Variants in PLPPR1 observed in about 807,000 individuals in gnomAD.
The protein encoded by PLPPR1 is phospholipid phosphatase related 1.
PLPPR1 carries 10 observed loss-of-function variants against 33.1 expected under a neutral mutation model. The observed-to-expected ratio is 0.30, with a 90% CI of 0.19 to 0.51. PLPPR1 has a LOEUF of 0.51. PLPPR1 is among the 20% of genes least tolerant of loss of function. The pLI is 0.97. For synonymous variants in PLPPR1, 151 were observed against 151.0 expected (o/e 1.00, Z 0.00); for missense variants, 304 against 408.1 (o/e 0.74, Z 2.20).
chr9:101,100,998 G>T (rs1200887440), intron 1 of PLPPR1, among the ~76,000 whole-genome samples: 1 of 152,086 alleles, frequency 6.6e-6, no homozygotes, highest in African/African-American at 2.4e-5. Context: ...ATACTAAAAG[G>T]TATGTGTAAG....
At chr9:101,305,309 C>T (rs936819294) in intron 4 of PLPPR1, among the ~76,000 whole-genome samples, 1 of 152,094 alleles carries the variant, frequency 6.6e-6, no homozygotes, top group African/African-American at 2.4e-5. Flanking sequence ...CAACAGTGGA[C>T]CCCTCTCACT....
At chr9:101,277,323 A>G (rs562803904) in intron 3 of PLPPR1, among the ~76,000 whole-genome samples, 1 of 152,314 alleles carries the variant, frequency 6.6e-6, no homozygotes, top group East Asian at 1.9e-4. Flanking sequence ...GCAAAATCTG[A>G]TCACCAGCCT....
At chr9:101,153,386 C>G in intron 1 of PLPPR1, among the ~76,000 whole-genome samples, 1 of 152,130 alleles carries the variant, frequency 6.6e-6, no homozygotes, top group South Asian at 2.1e-4. Context: ...ACCTTTATTT[C>G]TTTCTCCTGC....
chr9:101,095,801 T>C (rs1214253522), intron 1 of PLPPR1, among the ~76,000 whole-genome samples: 1 of 152,168 alleles, frequency 6.6e-6, no homozygotes, highest in Admixed American at 6.5e-5. Context: ...GAAGTATTTC[T>C]GGGCCTCTGA....
chr9:101,148,210 C>A (rs1831543688), intron 1 of PLPPR1, among the ~76,000 whole-genome samples: 1 of 152,116 alleles, frequency 6.6e-6, no homozygotes, highest in Non-Finnish European at 1.5e-5. Flanking sequence ...CCCTTGTGAC[C>A]AATCTTCTTT....
At chr9:101,227,908 G>A (rs948484194) in intron 2 of PLPPR1, among the ~76,000 whole-genome samples, 1 of 152,012 alleles carries the variant, frequency 6.6e-6, no homozygotes, top group Non-Finnish European at 1.5e-5. Context: ...TCCCAAAGTA[G>A]CTGGGATTAC....
At chr9:101,313,176 C>G (rs1828991112) in intron 6 of PLPPR1, among the ~76,000 whole-genome samples, 1 of 152,168 alleles carries the variant, frequency 6.6e-6, no homozygotes, top group Admixed American at 6.5e-5. Context: ...TTGCCAAATT[C>G]CTTCTGGGTG....
chr9:101,232,483 T>C (rs560043561), intron 2 of PLPPR1, among the ~76,000 whole-genome samples: 2 of 152,040 alleles, frequency 1.3e-5, no homozygotes, highest in East Asian at 3.9e-4. Context: ...TCCTCTTTTT[T>C]TTTTTTCTTA....
intron 1 of PLPPR1, among the ~76,000 whole-genome samples, chr9:101,138,085 C>T (rs1831401001): frequency 6.6e-6 from 1 of 152,166 alleles, no homozygotes; most frequent in Non-Finnish European, 1.5e-5. Context: ...TTATGCACAT[C>T]CAGTCATTAA....
At chr9:101,207,416 T>G (rs943037870) in intron 2 of PLPPR1, among the ~76,000 whole-genome samples, 2 of 152,152 alleles carry the variant, frequency 1.3e-5, no homozygotes, top group Non-Finnish European at 2.9e-5. Context: ...CTTAGTTCAG[T>G]TTTTTTCAAA....
intron 1 of PLPPR1, among the ~76,000 whole-genome samples, chr9:101,078,422 A>T (rs1830576877): frequency 6.6e-6 from 1 of 152,002 alleles, no homozygotes; most frequent in Non-Finnish European, 1.5e-5. Context: ...TTCCTTCCTG[A>T]TCTCCTTGAG....
At chr9:101,321,697 TAG>T (rs1176262339) in intron 7 of PLPPR1, among the ~76,000 whole-genome samples, 1 of 150,716 alleles carries the variant, frequency 6.6e-6, no homozygotes, top group African/African-American at 2.4e-5. Flanking sequence ...GGATGTGGTA[TAG>T]AGTCTCCAGA....
intron 1 of PLPPR1, among the ~76,000 whole-genome samples, chr9:101,145,722 A>C (rs3118940): frequency 6.4e-5 from 5 of 77,708 alleles, no homozygotes; most frequent in Non-Finnish European, 9.7e-5. Context: ...AAATAAGAAT[A>C]AGAAAAGAAA....
intron 1 of PLPPR1, among the ~76,000 whole-genome samples, chr9:101,182,370 TA>T (rs1265567070): frequency 3.3e-5 from 5 of 151,722 alleles, no homozygotes; most frequent in Non-Finnish European, 5.9e-5. Flanking sequence ...AAAATTCCTA[TA>T]AAATTAGATT....
intron 1 of PLPPR1, among the ~76,000 whole-genome samples, chr9:101,124,842 T>C (rs930280119): frequency 4.0e-4 from 61 of 152,266 alleles, no homozygotes; most frequent in African/African-American, 1.4e-3. Context: ...CATATTTTTT[T>C]CTAAGGCCTG....
At chr9:101,261,980 A>G (rs1011174323) in intron 2 of PLPPR1, among the ~76,000 whole-genome samples, 10 of 152,068 alleles carry the variant, frequency 6.6e-5, no homozygotes, top group African/African-American at 2.4e-4. Context: ...CCCTGAACTT[A>G]AAAGTTAAAA....
chr9:101,175,866 A>G (rs553190932), intron 1 of PLPPR1, among the ~76,000 whole-genome samples: 2 of 152,328 alleles, frequency 1.3e-5, no homozygotes, highest in South Asian at 2.1e-4. Context: ...GAAGTAAGAC[A>G]TACTTTTCCC....
intron 1 of PLPPR1, among the ~76,000 whole-genome samples, chr9:101,164,263 C>T (rs1297181082): frequency 1.3e-5 from 2 of 152,058 alleles, no homozygotes; most frequent in Non-Finnish European, 2.9e-5. Context: ...GTAAATGTTT[C>T]TCATCTATAA....
At chr9:101,243,340 G>A (rs1239523878) in intron 2 of PLPPR1, among the ~76,000 whole-genome samples, 1 of 151,994 alleles carries the variant, frequency 6.6e-6, no homozygotes, top group Non-Finnish European at 1.5e-5. Context: ...CTGGACCAGA[G>A]CAAGACCCAA....
Sources: gnomAD v4.1 joint callset for allele counts (sites outside exome capture counted in the v4.1 genomes callset) on GRCh38, gnomAD v4.1.1 for gene constraint, MANE v1.5 for transcripts, NCBI Gene and HGNC (gene_info 2026-07-23, HGNC 2026-07-21) for gene names.